Variants in DPT observed in about 807,000 individuals in gnomAD.
The protein encoded by DPT is dermatopontin.
DPT carries 21 observed loss-of-function variants against 31.2 expected under a neutral mutation model. The ratio of observed to expected loss-of-function variants is 0.67; its 90% CI spans 0.48 to 0.97. The LOEUF (loss-of-function observed/expected upper bound fraction) is 0.97. Ranked by LOEUF, DPT falls within the 50% of genes least tolerant of loss-of-function variation. The probability of loss-of-function intolerance (pLI) is 0.00; values close to 1 mark genes in which losing one functional copy is unlikely to be tolerated. For missense variants in DPT, 262 were observed against 258.8 expected (o/e 1.01, Z -0.08); for synonymous variants, 91 against 86.9 (o/e 1.05, Z -0.26).
intron 1 of DPT, among the ~76,000 whole-genome samples, chr1:168,722,613 T>C (rs528953): frequency 0.36 from 54,653 of 151,978 alleles, 10,794 homozygotes; most frequent in East Asian, 0.52. Flanking sequence ...TAAGGAAACT[T>C]AGGTTTAGAG....
In DPT at chr1:168,714,239, C is replaced by T. The variant is rs140589175; in HGVS notation, c.413G>A (p.Arg138Lys). ...WQFYCCRYSK[R>K]CPYSCWLTTE... ...GACTCACCAGCAGGAATATGGGCACCTCTTGCTGTAGCGACAACAGTAAAA... is the reference window on the plus strand; with the variant it reads ...GACTCACCAGCAGGAATATGGGCACTTCTTGCTGTAGCGACAACAGTAAAA... The change falls in exon 2 of 4, where the codon AGG becomes AAG. Residue 138 changes from arginine (R) to lysine (K), a missense_variant. Physicochemically the swap from Arg to Lys is conservative, Grantham distance 26. Coordinates refer to ENST00000367817, the MANE Select transcript of DPT (RefSeq NM_001937.5). The T allele has an allele frequency of 8.5e-4, 1,364 of 1,614,082 alleles. 2 individuals are homozygous for T. Among genetic ancestry groups the T allele is most frequent in the South Asian group, 2.9e-3 (267 of 91,072 alleles).
intron 2 of DPT, among the ~76,000 whole-genome samples, chr1:168,706,495 A>C (rs1649719012): frequency 6.6e-6 from 1 of 152,134 alleles, no homozygotes; most frequent in African/African-American, 2.4e-5. Flanking sequence ...TAAACCCCAA[A>C]TGGAGTTATG....
rs141049121 is a variant in DPT at position 168,704,098 on chromosome 1, T to G, written c.432-2974A>C. 6.3e-3 allele frequency among the ~76,000 whole-genome samples: 958 copies of G among 152,334 alleles called. 8 individuals are homozygous for G. The highest frequency in any genetic ancestry group is 0.022 in the African/African-American group (909 of 41,570). ...AGGAAGCAGAATGATCAGGGTTTCCTAAGCTGTGACACTGGGCTTTGCGAG... is the reference window on the plus strand; with the variant it reads ...AGGAAGCAGAATGATCAGGGTTTCCGAAGCTGTGACACTGGGCTTTGCGAG... On this transcript the variant is annotated intron_variant, in intron 2 of 3. Transcript: ENST00000367817.
intron 1 of DPT, among the ~76,000 whole-genome samples, chr1:168,716,204 T>G (rs1649984373): frequency 6.6e-6 from 1 of 152,240 alleles, no homozygotes; most frequent in Admixed American, 6.5e-5. Flanking sequence ...ATTCACCTAA[T>G]GTATATAATT....
intron 1 of DPT, among the ~76,000 whole-genome samples, chr1:168,728,382 C>A (rs1650294452): frequency 1.3e-5 from 2 of 152,172 alleles, no homozygotes; most frequent in Non-Finnish European, 2.9e-5. Context: ...CTCAAACCCT[C>A]CGTGCTGAGA....
rs74531407 is a variant in DPT, at chr1:168,703,967, T to G, written c.432-2843A>C. On this transcript the variant is annotated intron_variant, in intron 2 of 3. Coordinates refer to ENST00000367817, the MANE Select transcript of DPT (RefSeq NM_001937.5). ...CACGCGCACAAAGTGTCCTAATAAG[T>G]GAAAGCCCAGTAATAGCTCCTTAGA... 3.4e-3 allele frequency among the ~76,000 whole-genome samples: 522 copies of G among 152,164 alleles called. 2 individuals are homozygous for G. The highest frequency in any genetic ancestry group is 0.012 in the African/African-American group (484 of 41,500).
Position 168,718,643 on chromosome 1 carries a change from A to T in DPT, c.306-4297T>A, listed in dbSNP as rs12127742. Among the ~76,000 whole-genome samples, 801 of 152,260 alleles carry T rather than the reference A, an allele frequency of 5.3e-3. 4 individuals carry two copies. Among genetic ancestry groups the T allele is most frequent in the Non-Finnish European group, 7.8e-3 (531 of 68,006 alleles). On this transcript the variant is annotated intron_variant, in intron 1 of 3. Coordinates refer to ENST00000367817, the MANE Select transcript of DPT (RefSeq NM_001937.5). The stretch of plus-strand genomic sequence containing the variant: ...CCAAGAGCATTGGCTATGCTGCTGG[A>T]TGGCTCCACTGTTCTTAGCTGTATC...
intron 1 of DPT, among the ~76,000 whole-genome samples, chr1:168,721,321 G>A (rs1401823727): frequency 6.6e-6 from 1 of 152,166 alleles, no homozygotes; most frequent in African/African-American, 2.4e-5. Context: ...TAGGATGACA[G>A]TTCTTAACCT....
At chr1:168,709,289 A>G (rs1234850846) in intron 2 of DPT, among the ~76,000 whole-genome samples, 1 of 152,208 alleles carries the variant, frequency 6.6e-6, no homozygotes, top group Non-Finnish European at 1.5e-5. Context: ...GATTATGACA[A>G]ACAATGTCTA....
intron 2 of DPT, among the ~76,000 whole-genome samples, chr1:168,711,311 T>C (rs10918960): frequency 0.035 from 5,280 of 152,108 alleles, 307 homozygotes; most frequent in African/African-American, 0.12. Flanking sequence ...TGAGCCACCA[T>C]GCCCGGCCTT....
chr1:168,708,576 T>C (rs1230355238), intron 2 of DPT, among the ~76,000 whole-genome samples: 1 of 152,248 alleles, frequency 6.6e-6, no homozygotes, highest in Non-Finnish European at 1.5e-5. Flanking sequence ...TCATTTTTAT[T>C]TTTTTATTTT....
rs564029291 is a variant in DPT at position 168,712,886 on chromosome 1, C to A, written c.431+1335G>T. Among the ~76,000 whole-genome samples, 153 of 152,134 alleles carry A rather than the reference C, an allele frequency of 1.0e-3. 1 individual carries two copies. Among genetic ancestry groups the A allele is most frequent in the Non-Finnish European group, 2.9e-4 (20 of 68,000 alleles). ...GTATTAACATGCTAAGTGCATTTTC[C>A]CCCCTGAAGACAAGGTCTATAGTTT... On this transcript the variant is annotated intron_variant, in intron 2 of 3. Coordinates refer to ENST00000367817, the MANE Select transcript of DPT (RefSeq NM_001937.5).
chr1:168,703,600 C>G (rs893678688), intron 2 of DPT, among the ~76,000 whole-genome samples: 1 of 152,062 alleles, frequency 6.6e-6, no homozygotes, highest in Admixed American at 6.6e-5. Flanking sequence ...CTTCTTGGTC[C>G]CAGACAGGTT....
At chr1:168,701,617 T>C (rs1649599345) in intron 2 of DPT, among the ~76,000 whole-genome samples, 2 of 152,232 alleles carry the variant, frequency 1.3e-5, no homozygotes, top group Admixed American at 1.3e-4. Flanking sequence ...TATGTGTGTT[T>C]GTTTATAAGA....
At chr1:168,717,049 T>C (rs1650000731) in intron 1 of DPT, among the ~76,000 whole-genome samples, 1 of 152,244 alleles carries the variant, frequency 6.6e-6, no homozygotes, top group African/African-American at 2.4e-5. Flanking sequence ...GAATAATTTA[T>C]AGTCCTTTGG....
At chr1:168,707,058 C>T (rs1194917785) in intron 2 of DPT, among the ~76,000 whole-genome samples, 2 of 152,162 alleles carry the variant, frequency 1.3e-5, no homozygotes, top group South Asian at 2.1e-4. Context: ...CATCTAGAGA[C>T]AGCTCAGTAC....
intron 1 of DPT, among the ~76,000 whole-genome samples, chr1:168,718,206 C>T (rs1306177728): frequency 6.6e-6 from 1 of 152,246 alleles, no homozygotes; most frequent in Non-Finnish European, 1.5e-5. Flanking sequence ...GGGGACAGAG[C>T]TCCCATGGGG....
At chr1:168,718,884 C>A (rs1465026683) in intron 1 of DPT, among the ~76,000 whole-genome samples, 1 of 152,198 alleles carries the variant, frequency 6.6e-6, no homozygotes, top group Non-Finnish European at 1.5e-5. Context: ...TCCCTTGGCT[C>A]CCCTGTCTCT....
At chr1:168,716,464 G>A (rs1230806187) in intron 1 of DPT, among the ~76,000 whole-genome samples, 3 of 151,946 alleles carry the variant, frequency 2.0e-5, no homozygotes, top group African/African-American at 7.3e-5. Context: ...TGAGACCTAT[G>A]GCTCTTTGAT....
Sources: allele counts gnomAD v4.1 joint callset (sites outside exome capture counted in the v4.1 genomes callset), GRCh38; gene constraint gnomAD v4.1.1; transcripts MANE v1.5; gene names NCBI Gene and HGNC (gene_info 2026-07-23, HGNC 2026-07-21).